The following POLN variants were observed in gnomAD, a reference collection of about 807,000 sequenced individuals.
The protein encoded by POLN is DNA polymerase N.
In POLN, 108 loss-of-function variants were observed where a neutral mutation model predicts 113.5. The ratio of observed to expected loss-of-function variants is 0.95; its 90% CI spans 0.81 to 1.12. The LOEUF (loss-of-function observed/expected upper bound fraction) is 1.12, where lower values mean the gene tolerates loss of function less well. POLN is among the 50% of genes most tolerant of loss of function. The pLI is 0.00. For missense variants in POLN, 1,097 were observed against 1,077.1 expected, an observed-to-expected ratio of 1.02 and a Z score of -0.26; for synonymous variants, 386 against 391.5, an observed-to-expected ratio of 0.99 and a Z score of 0.17.
At chr4:2,167,062 G>A (rs1416251302) in intron 13 of POLN, among the ~76,000 whole-genome samples, 4 of 152,096 alleles carry the variant, frequency 2.6e-5, no homozygotes, top group African/African-American at 9.7e-5. Flanking sequence ...ACCATCAACG[G>A]TGTCTAACAC....
chr4:2,201,635 T>G (rs771270310), intron 5 of POLN, among the ~76,000 whole-genome samples: 5 of 152,102 alleles, frequency 3.3e-5, no homozygotes, highest in African/African-American at 4.8e-5. Flanking sequence ...TTTGGGGGAA[T>G]AATCAAGGAA....
chr4:2,168,322 C>A (rs1307478199), intron 13 of POLN, among the ~76,000 whole-genome samples: 1 of 152,188 alleles, frequency 6.6e-6, no homozygotes, highest in Non-Finnish European at 1.5e-5. Flanking sequence ...CCACAACGCT[C>A]ACCAAGGCCT....
Position 2,229,164 on chromosome 4 carries a change from T to A in POLN, c.68A>T (p.Lys23Met). The change falls in exon 3 of 26, where the codon AAG becomes ATG. Residue 23 changes from lysine to methionine, a missense_variant. By Grantham distance (95) the Lys-to-Met change is moderately conservative. Coordinates refer to ENST00000511885, the MANE Select transcript of POLN (RefSeq NM_181808.4). ...ACCTGAATGCATAGCAGACATAATC[T>A]TCTGAGCAACACTGGAGAGCGGTGT... is the stretch of plus-strand genomic sequence containing the variant. ...CNTPLSSVAQ[K>M]IMSAMHSGDL... 8.7e-6 allele frequency: 14 copies of A among 1,611,090 alleles called. No individual in the cohort carries two copies. Among genetic ancestry groups the A allele is most frequent in the Non-Finnish European group, 1.2e-5 (14 of 1,177,270 alleles).
chr4:2,154,497 C>T (rs541884688), intron 16 of POLN, among the ~76,000 whole-genome samples: 64 of 152,114 alleles, frequency 4.2e-4, no homozygotes, highest in African/African-American at 1.5e-3. Context: ...GTAATCAAAA[C>T]GAAAATTCCT....
chr4:2,214,047 C>T (rs1734055751), intron 3 of POLN, among the ~76,000 whole-genome samples: 1 of 152,026 alleles, frequency 6.6e-6, no homozygotes, highest in Non-Finnish European at 1.5e-5. Context: ...ACCAGCTTGG[C>T]CAAAATGGTG....
chr4:2,207,924 C>T, intron 5 of POLN, 63 bp downstream of exon 5: 18 of 1,502,802 alleles, frequency 1.2e-5, no homozygotes, highest in Non-Finnish European at 1.5e-5. Flanking sequence ...AAATCTGACA[C>T]TAAGAAAATG....
chr4:2,094,532 T>A (rs1447267600), intron 20 of POLN, among the ~76,000 whole-genome samples: 1 of 152,148 alleles, frequency 6.6e-6, no homozygotes, highest in East Asian at 1.9e-4. Flanking sequence ...TGTATTATTT[T>A]AAGTTACTAC....
chr4:2,149,744 T>A (rs945730701), intron 16 of POLN, among the ~76,000 whole-genome samples: 1 of 151,906 alleles, frequency 6.6e-6, no homozygotes, highest in Non-Finnish European at 1.5e-5. Context: ...TATGATTACA[T>A]CACTGTACTC....
chr4:2,228,802 C>T (rs1321485734), intron 3 of POLN: 2 of 280,676 alleles, frequency 7.1e-6, no homozygotes, highest in Admixed American at 5.0e-5. Context: ...GTTTGATGAC[C>T]TGAGAACCAA....
chr4:2,190,209 G>A lies in POLN; in HGVS notation c.1021+2995C>T, dbSNP rs141942584. ...GACAGCATGGTACTGACATAAAACCGACACGCAGACCAATGGAACAGAATA... is the reference window on the plus strand; with the variant it reads ...GACAGCATGGTACTGACATAAAACCAACACGCAGACCAATGGAACAGAATA... On this transcript the variant is annotated intron_variant, in intron 7 of 25. Coordinates refer to ENST00000511885, the MANE Select transcript of POLN (RefSeq NM_181808.4). Among the ~76,000 whole-genome samples the A allele has an allele frequency of 5.8e-3, 885 of 152,094 alleles. 10 individuals are homozygous for A. Among genetic ancestry groups the A allele is most frequent in the African/African-American group, 0.02 (841 of 41,484 alleles).
chr4:2,074,184 G>C (rs1447639943), intron 24 of POLN, among the ~76,000 whole-genome samples: 1 of 152,208 alleles, frequency 6.6e-6, no homozygotes, highest in East Asian at 1.9e-4. Context: ...GCAAGCGTGG[G>C]GCTGAGCTGG....
chr4:2,113,807 G>A (rs1290670669), intron 19 of POLN, among the ~76,000 whole-genome samples: 1 of 151,238 alleles, frequency 6.6e-6, no homozygotes, highest in African/African-American at 2.4e-5. Flanking sequence ...GCAGTGAGCT[G>A]AGATTGTGCC....
intron 13 of POLN, among the ~76,000 whole-genome samples, chr4:2,169,399 A>G (rs1346233463): frequency 6.6e-6 from 1 of 152,176 alleles, no homozygotes; most frequent in Non-Finnish European, 1.5e-5. Flanking sequence ...AAAAGGAGGC[A>G]TGCTCAGGAC....
In POLN at chr4:2,240,146, G is replaced by C. The variant is rs186447762; in HGVS notation, c.-13+1374C>G. 1.2e-5 allele frequency: 19 copies of C among 1,613,606 alleles called. No individual in the cohort carries two copies. In the Admixed American group the frequency reaches 3.0e-4, roughly 25 times the overall value. ...ACTGATGTTGAGCACAAATGTATGC[G>C]AGCTGCAGTCTAGCCATCTCTAGTC... On this transcript the variant is annotated intron_variant, in intron 2 of 25. Transcript: ENST00000511885.
chr4:2,094,939 T>G (rs898192009), intron 20 of POLN, among the ~76,000 whole-genome samples: 8 of 152,184 alleles, frequency 5.3e-5, no homozygotes, highest in African/African-American at 1.9e-4. Flanking sequence ...ATGGTGAATC[T>G]TCTTTTCAGG....
rs573536702 is a variant in POLN, at chr4:2,142,782, C to T, written c.1732-11492G>A. 1.8e-4 allele frequency among the ~76,000 whole-genome samples: 27 copies of T among 152,282 alleles called. 1 individual carries two copies. Among genetic ancestry groups the T allele is most frequent in the Admixed American group, 1.6e-3 (24 of 15,286 alleles). Reference sequence around the variant, plus strand: ...AAACCTTTAGACAATAACTATACTACTCCAGCCAAACACCACACAAAAACC... The same window carrying T: ...AAACCTTTAGACAATAACTATACTATTCCAGCCAAACACCACACAAAAACC... On this transcript the variant is annotated intron_variant, in intron 16 of 25. Transcript: ENST00000511885.
chr4:2,199,788 G>A (rs1577765051), intron 5 of POLN, among the ~76,000 whole-genome samples: 1 of 151,272 alleles, frequency 6.6e-6, no homozygotes, highest in East Asian at 1.9e-4. Flanking sequence ...TGTGTTCCAG[G>A]CTGGTCTCGA....
At chr4:2,089,563 G>A in intron 20 of POLN, 2 of 1,123,762 alleles carry the variant, frequency 1.8e-6, no homozygotes, top group Non-Finnish European at 2.5e-6. Flanking sequence ...TTCAACTAAA[G>A]AAACACTTCC....
In POLN at chr4:2,170,681, C is replaced by T. The variant is rs761111271; in HGVS notation, c.1552G>A (p.Val518Met). Residue 518 changes from valine to methionine, a missense_variant and splice_region_variant, in exon 13 of 26, where the codon GTG (valine) becomes ATG (methionine). Val to Met is a conservative substitution (Grantham distance 21). Coordinates refer to ENST00000511885, the MANE Select transcript of POLN (RefSeq NM_181808.4). ...LQKYPSTSEAVLNALRDLHPL... is the reference protein window; with the variant it reads ...LQKYPSTSEAMLNALRDLHPL... The stretch of plus-strand genomic sequence containing the variant: ...AAAGGATAACTCTGAAACCTTACCA[C>T]TGCTTCTGATGTAGACGGGTATTTC... The T allele has an allele frequency of 4.3e-6, 7 of 1,611,632 alleles. No homozygotes were observed. Among genetic ancestry groups the T allele is most frequent in the Non-Finnish European group, 5.9e-6 (7 of 1,177,836 alleles).
Sources: gnomAD v4.1 joint callset for allele counts (sites outside exome capture counted in the v4.1 genomes callset) on GRCh38, gnomAD v4.1.1 for gene constraint, MANE v1.5 for transcripts, NCBI Gene and HGNC (gene_info 2026-07-23, HGNC 2026-07-21) for gene names.